The following MGAT5 variants were observed in gnomAD, a reference collection of about 807,000 sequenced individuals.
MGAT5 encodes the protein alpha-1,6-mannosylglycoprotein 6-beta-N-acetylglucosaminyltransferase.
A neutral mutation model predicts 94.3 loss-of-function variants in MGAT5; 30 were observed. The observed-to-expected ratio is 0.32, with a 90% CI of 0.24 to 0.43. The LOEUF is 0.43. Among genes scored for constraint, MGAT5 ranks in the 20% least tolerant of loss-of-function variants. The pLI is 1.00. For synonymous variants in MGAT5, 310 were observed against 322.9 expected, an observed-to-expected ratio of 0.96 and a Z score of 0.43; for missense variants, 691 against 905.5, an observed-to-expected ratio of 0.76 and a Z score of 3.04.
chr2:134,345,170 T>G, intron 8 of MGAT5, 106 bp downstream of exon 8: 33 of 1,153,918 alleles, frequency 2.9e-5, no homozygotes, highest in East Asian at 4.9e-5. Flanking sequence ...TTTTCAGCTG[T>G]ATGGAGTGTT....
chr2:134,325,010 T>TA (rs34721704), intron 4 of MGAT5, among the ~76,000 whole-genome samples: 109,349 of 147,992 alleles, frequency 0.74, 41,386 homozygotes, highest in East Asian at 0.92. Flanking sequence ...TAAAAGAATT[T>TA]AAAAAAAAAA....
chr2:134,250,656 T>C (rs897788069), upstream of MGAT5, among the ~76,000 whole-genome samples: 1 of 152,204 alleles, frequency 6.6e-6, no homozygotes, highest in Admixed American at 6.5e-5. Flanking sequence ...TATACTGATA[T>C]TGTTTCTATT....
At chr2:134,290,287 G>A (rs1481962536) in intron 2 of MGAT5, among the ~76,000 whole-genome samples, 2 of 152,168 alleles carry the variant, frequency 1.3e-5, no homozygotes, top group Non-Finnish European at 2.9e-5. Context: ...ACCATTTCTG[G>A]CCAGAGCTGT....
At chr2:134,434,576 A>G (rs1215725564) in intron 14 of MGAT5, among the ~76,000 whole-genome samples, 1 of 152,202 alleles carries the variant, frequency 6.6e-6, no homozygotes, top group Non-Finnish European at 1.5e-5. Context: ...CAAAGCCTCA[A>G]GATGCAAAAC....
intron 10 of MGAT5, among the ~76,000 whole-genome samples, chr2:134,369,838 G>T (rs112609195): frequency 6.6e-6 from 1 of 150,792 alleles, no homozygotes; most frequent in African/African-American, 2.4e-5. Flanking sequence ...ATGACAACTG[G>T]ATAAGATCAA....
intron 1 of MGAT5, among the ~76,000 whole-genome samples, chr2:134,128,740 T>A (rs999634052): frequency 1.3e-5 from 2 of 151,978 alleles, no homozygotes; most frequent in Admixed American, 6.6e-5. Flanking sequence ...TTAAAAAAAA[T>A]TTTAGTTTTT....
chr2:134,200,135 T>TC (rs1679709254), intron 1 of MGAT5, among the ~76,000 whole-genome samples: 1 of 147,632 alleles, frequency 6.8e-6, no homozygotes, highest in African/African-American at 2.5e-5. Flanking sequence ...CCTGCCTCCC[T>TC]ACCCCGCCCC....
At position 134,449,924 on chromosome 2, in the gene MGAT5, G is replaced by C. The variant is rs1686010156; in HGVS notation, c.*1077G>C. 6.6e-6 allele frequency: 1 copy of C among 152,362 alleles called. No homozygotes were observed. The highest frequency in any genetic ancestry group is 1.5e-5 in the Non-Finnish European group (1 of 68,216). 9.4% of individuals were successfully genotyped at this position (152,362 alleles called of 1,614,324 possible). ...CCAGGGAAGGGGGCTCTTGATGTCTGCTGGGGGAGTGGGGGCAGCTCAGGA... is the reference window on the plus strand; with the variant it reads ...CCAGGGAAGGGGGCTCTTGATGTCTCCTGGGGGAGTGGGGGCAGCTCAGGA... On this transcript the variant is annotated 3_prime_UTR_variant, in exon 16 of 16. Transcript: ENST00000281923.
intron 1 of MGAT5, among the ~76,000 whole-genome samples, chr2:134,199,824 A>G (rs1340815008): frequency 6.6e-6 from 1 of 152,012 alleles, no homozygotes; most frequent in African/African-American, 2.4e-5. Flanking sequence ...GCTACTATCC[A>G]TTGTTGCTCA....
intron 2 of MGAT5, among the ~76,000 whole-genome samples, chr2:134,283,740 A>G (rs574533311): frequency 7.1e-6 from 1 of 141,510 alleles, no homozygotes; most frequent in African/African-American, 2.7e-5. Context: ...CCCACCGTGA[A>G]GTTGTCATTG....
In MGAT5 at chr2:134,259,119, G is replaced by A. The variant is rs77145573; in HGVS notation, c.241+4475G>A. Among the ~76,000 whole-genome samples the A allele has an allele frequency of 7.2e-3, 1,094 of 152,340 alleles. 17 individuals carry two copies. The highest frequency in any genetic ancestry group is 0.025 in the African/African-American group (1,036 of 41,574). On this transcript the variant is annotated intron_variant, in intron 1 of 15. Transcript: ENST00000281923. ...GCAGCCCGTGTGGAACATTCAGTGC[G>A]TTTGTTCTTGGAGTGTGGAGGGCTT...
intron 1 of MGAT5, among the ~76,000 whole-genome samples, chr2:134,175,445 A>G (rs760258866): frequency 1.1e-4 from 17 of 152,200 alleles, no homozygotes; most frequent in Admixed American, 2.0e-4. Flanking sequence ...CAGGAACTCT[A>G]GTGTACCTCC....
At chr2:134,180,481 C>T (rs1688681005) in intron 1 of MGAT5, among the ~76,000 whole-genome samples, 1 of 152,172 alleles carries the variant, frequency 6.6e-6, no homozygotes, top group Admixed American at 6.5e-5. Flanking sequence ...GATCAGTTCA[C>T]ACAGCAACGC....
intron 1 of MGAT5, among the ~76,000 whole-genome samples, chr2:134,180,943 G>A (rs1036589261): frequency 6.6e-6 from 1 of 152,178 alleles, no homozygotes; most frequent in African/African-American, 2.4e-5. Context: ...AAGAGCTGCA[G>A]ATACTTTCTC....
intron 1 of MGAT5, among the ~76,000 whole-genome samples, chr2:134,225,102 A>G (rs1680992621): frequency 7.1e-6 from 1 of 140,438 alleles, no homozygotes. Context: ...AAAAAAAAAA[A>G]TGCGGTGGAA....
Position 134,189,597 on chromosome 2 carries a change from T to TTTTTGTTTTGTTTTG in MGAT5, c.-142-64656_-142-64655insGTTTTGTTTTGTTTT, listed in dbSNP as rs1553490339. On this transcript the variant is annotated intron_variant, in intron 1 of 16. Coordinates refer to the MGAT5 transcript ENST00000409645. Reference sequence around the variant, plus strand: ...TGACTAACCTCATGGCTCTAGTTTTTTTTTGTTTTTTTTTTTTTTTTTTAA... The same window carrying TTTTTGTTTTGTTTTG: ...TGACTAACCTCATGGCTCTAGTTTTTTTTTGTTTTGTTTTGTTTTGTTTTTTTTTTTTTTTTTTAA... Among the ~76,000 whole-genome samples the TTTTTGTTTTGTTTTG allele has an allele frequency of 5.3e-4, 46 of 87,192 alleles. 3 individuals carry two copies. The highest frequency in any genetic ancestry group is 2.4e-3 in the Admixed American group (20 of 8,408). 57.2% of individuals were successfully genotyped at this position (87,192 alleles called of 152,430 possible).
intron 1 of MGAT5, among the ~76,000 whole-genome samples, chr2:134,168,147 A>G (rs1194475120): frequency 6.6e-6 from 1 of 152,196 alleles, no homozygotes; most frequent in East Asian, 1.9e-4. Flanking sequence ...AGTAATCATA[A>G]TTGCTAACAT....
chr2:134,134,189 G>T (rs1356910614), intron 1 of MGAT5, among the ~76,000 whole-genome samples: 1 of 152,086 alleles, frequency 6.6e-6, no homozygotes, highest in Non-Finnish European at 1.5e-5. Context: ...TGTGGGGATG[G>T]TTTCACTCCT....
chr2:134,125,785 C>T (rs1024201512), intron 1 of MGAT5, among the ~76,000 whole-genome samples: 13 of 152,202 alleles, frequency 8.5e-5, no homozygotes, highest in African/African-American at 2.9e-4. Flanking sequence ...CTACCATCCC[C>T]AGCTGGGAGA....
Sources: gnomAD v4.1 joint callset for allele counts (sites outside exome capture counted in the v4.1 genomes callset) on GRCh38, gnomAD v4.1.1 for gene constraint, MANE v1.5 for transcripts, NCBI Gene and HGNC (gene_info 2026-07-23, HGNC 2026-07-21) for gene names.